Variants in CACNA1B observed in about 807,000 individuals in gnomAD.
CACNA1B encodes the protein calcium voltage-gated channel subunit alpha1 B, also known as voltage-dependent N-type calcium channel subunit alpha-1B.
CACNA1B carries 70 observed loss-of-function variants against 247.2 expected under a neutral mutation model. That is an observed-to-expected ratio of 0.28 (90% CI 0.23 to 0.35). The LOEUF (loss-of-function observed/expected upper bound fraction) is 0.35. CACNA1B is among the 10% of genes least tolerant of loss of function. The probability of loss-of-function intolerance (pLI) is 1.00; values close to 1 mark genes in which losing one functional copy is unlikely to be tolerated. For missense variants in CACNA1B, 2,367 were observed against 3,197.4 expected, an observed-to-expected ratio of 0.74 and a Z score of 6.26; for synonymous variants, 1,231 against 1,294.4, an observed-to-expected ratio of 0.95 and a Z score of 1.05.
chr9:137,916,787 G>T (rs527644381), intron 5 of CACNA1B, among the ~76,000 whole-genome samples: 2 of 152,212 alleles, frequency 1.3e-5, no homozygotes, highest in Admixed American at 6.5e-5. Flanking sequence ...CCTCGTGGCA[G>T]TTTGGCCGTG....
intron 6 of CACNA1B, among the ~76,000 whole-genome samples, chr9:137,921,044 C>T (rs1169609554): frequency 1.3e-3 from 4 of 2,998 alleles, no homozygotes; most frequent in African/African-American, 4.1e-3. Flanking sequence ...GAGGGAACAG[C>T]AGGCTGATGA....
chr9:137,960,201 G>A (rs1957997225), intron 10 of CACNA1B, among the ~76,000 whole-genome samples: 3 of 60,456 alleles, frequency 5.0e-5, no homozygotes, highest in Non-Finnish European at 7.4e-5. Flanking sequence ...TGAGTGAGGG[G>A]GAGGGGGAGG....
intron 39 of CACNA1B, among the ~76,000 whole-genome samples, chr9:138,107,414 T>C (rs10867107): frequency 0.18 from 27,765 of 151,872 alleles, 3,126 homozygotes; most frequent in Middle Eastern, 0.34. Flanking sequence ...TACTAGTTTT[T>C]GTATATTTTT....
At chr9:137,930,086 C>T (rs557768542) in intron 6 of CACNA1B, among the ~76,000 whole-genome samples, 6 of 152,278 alleles carry the variant, frequency 3.9e-5, no homozygotes, top group East Asian at 1.9e-4. Context: ...CATGAGCCAC[C>T]GCATGCAGCC....
rs1011551460 is a variant in CACNA1B, at chr9:138,120,461, G to A, written c.6238+89G>A. 9.2e-6 allele frequency: 13 copies of A among 1,418,336 alleles called. No individual in the cohort carries two copies. In the Admixed American group the frequency reaches 2.4e-4, roughly 26 times the overall value. 87.9% of individuals were successfully genotyped at this position (1,418,336 alleles called of 1,614,324 possible). ...GGCCCATGGGGGACCCTCTTCCTTTGTGGGCCTCGTGACCCCATAACCAGC... is the reference window on the plus strand; with the variant it reads ...GGCCCATGGGGGACCCTCTTCCTTTATGGGCCTCGTGACCCCATAACCAGC... On this transcript the variant is annotated intron_variant, in intron 45 of 46. Transcript: ENST00000371372.
chr9:138,115,700 CAT>C, intron 42 of CACNA1B, 21 bp downstream of exon 42: 1 of 1,602,390 alleles, frequency 6.2e-7, no homozygotes, highest in African/African-American at 1.3e-5. Context: ...AGATGCAGGA[CAT>C]AGCTGGACAG....
intron 6 of CACNA1B, among the ~76,000 whole-genome samples, chr9:137,949,049 TGGGTGTGAAGTA>T (rs1957835487): frequency 7.8e-6 from 1 of 128,174 alleles, no homozygotes; most frequent in East Asian, 2.4e-4. Context: ...GGTGTGTGTG[TGGGTGTGAAGTA>T]TGTGTGTAGT....
intron 3 of CACNA1B, among the ~76,000 whole-genome samples, chr9:137,893,582 C>T (rs1346105116): frequency 6.6e-6 from 1 of 150,636 alleles, no homozygotes; most frequent in Non-Finnish European, 1.5e-5. Flanking sequence ...ACCCAGGAGG[C>T]GAAGCTTGCA....
At position 138,057,899 on chromosome 9, in the gene CACNA1B, G is replaced by T; in HGVS notation, c.4106+30G>T. The T allele has an allele frequency of 6.3e-7, 1 of 1,595,248 alleles. No individual in the cohort carries two copies. The highest frequency in any genetic ancestry group is 8.6e-7 in the Non-Finnish European group (1 of 1,166,486). The stretch of plus-strand genomic sequence containing the variant: ...GTGCTCATCCTGCTCTCCGTAGCTG[G>T]GGCAGGCAGCCCCTGAGCTCGGCCT... On this transcript the variant is annotated intron_variant, in intron 27 of 46. Coordinates refer to ENST00000371372, the MANE Select transcript of CACNA1B (RefSeq NM_000718.4). This position sits in a 1 kb window ranked among gnomAD's most constrained non-coding sequence, Gnocchi z 4.0.
intron 20 of CACNA1B, among the ~76,000 whole-genome samples, chr9:138,041,003 G>A (rs904980415): frequency 5.9e-5 from 9 of 152,208 alleles, no homozygotes; most frequent in Admixed American, 5.2e-4. Flanking sequence ...ATATGTAGGA[G>A]AGAAATCCTT....
At chr9:138,047,665 G>A (rs1959195428) in intron 23 of CACNA1B, among the ~76,000 whole-genome samples, 1 of 152,214 alleles carries the variant, frequency 6.6e-6, no homozygotes, top group East Asian at 1.9e-4. Context: ...TTCCCGCGCT[G>A]GGAGTGCTCC....
At chr9:137,936,614 T>A (rs1702865488) in intron 6 of CACNA1B, among the ~76,000 whole-genome samples, 1 of 152,254 alleles carries the variant, frequency 6.6e-6, no homozygotes, top group Non-Finnish European at 1.5e-5. Flanking sequence ...TGGTTTTAAG[T>A]CTGACATTTA....
chr9:137,943,784 C>A (rs1031970928), intron 6 of CACNA1B, among the ~76,000 whole-genome samples: 1 of 152,098 alleles, frequency 6.6e-6, no homozygotes, highest in Non-Finnish European at 1.5e-5. Flanking sequence ...GCTTGCAAGA[C>A]CGCATTCTTT....
chr9:138,029,686 C>T (rs1958964925), intron 20 of CACNA1B, among the ~76,000 whole-genome samples: 3 of 148,666 alleles, frequency 2.0e-5, no homozygotes. Context: ...TCTCGGCTCA[C>T]TGCAACCACC....
intron 36 of CACNA1B, among the ~76,000 whole-genome samples, chr9:138,088,101 G>A (rs1268700991): frequency 2.0e-5 from 3 of 152,226 alleles, no homozygotes; most frequent in Admixed American, 6.5e-5. Context: ...AGGTGCGGTG[G>A]CTCACACCTG....
In CACNA1B at chr9:137,963,480, C is replaced by T. The variant is rs140725743; in HGVS notation, c.1333+5793C>T. ...CGTGATCTCAGCTCACTGCAACCTC[C>T]GCCTCCCAAGTTCAAGTGATTCTCC... On this transcript the variant is annotated intron_variant, in intron 10 of 46. Transcript: ENST00000371372. Among the ~76,000 whole-genome samples, 37 of 152,260 alleles carry T rather than the reference C, an allele frequency of 2.4e-4. No homozygotes were observed. In the East Asian group the frequency reaches 6.0e-3, roughly 25 times the overall value.
intron 20 of CACNA1B, among the ~76,000 whole-genome samples, chr9:138,042,185 C>T (rs1959132472): frequency 6.6e-6 from 1 of 152,226 alleles, no homozygotes; most frequent in East Asian, 1.9e-4. Context: ...ACTTACAACA[C>T]ACGCCTGTAA....
chr9:137,967,972 C>T (rs551758527), intron 10 of CACNA1B, among the ~76,000 whole-genome samples: 1 of 152,368 alleles, frequency 6.6e-6, no homozygotes, highest in African/African-American at 2.4e-5. Flanking sequence ...ATGCTGCTTG[C>T]GCTTGACTGA....
chr9:137,947,271 T>C (rs1303267389), intron 6 of CACNA1B, among the ~76,000 whole-genome samples: 1 of 152,164 alleles, frequency 6.6e-6, no homozygotes, highest in Admixed American at 6.5e-5. Flanking sequence ...AGAGGTACTT[T>C]CCATTTTTTC....
Sources: gnomAD v4.1 joint callset for allele counts (sites outside exome capture counted in the v4.1 genomes callset) on GRCh38, gnomAD v4.1.1 for gene constraint, Gnocchi (gnomAD v3.1) non-coding constraint, MANE v1.5 for transcripts, NCBI Gene and HGNC (gene_info 2026-07-23, HGNC 2026-07-21) for gene names.